Variants in FOXK2 observed in about 807,000 individuals in gnomAD.
FOXK2 encodes the protein forkhead box K2, also known as forkhead box protein K2.
Under a neutral mutation model 53.3 loss-of-function variants are expected in FOXK2, and 24 were observed. The ratio of observed to expected loss-of-function variants is 0.45; its 90% confidence interval spans 0.33 to 0.63. FOXK2 has a LOEUF of 0.63. Among genes scored for constraint, FOXK2 ranks in the 30% least tolerant of loss-of-function variants. The pLI is 0.03. For synonymous variants in FOXK2, 505 were observed against 407.1 expected, an observed-to-expected ratio of 1.24 and a Z score of -2.89; for missense variants, 952 against 910.5, an observed-to-expected ratio of 1.05 and a Z score of -0.59.
At chr17:82,537,347 T>C (rs2044530367) in intron 1 of FOXK2, among the ~76,000 whole-genome samples, 1 of 152,060 alleles carries the variant, frequency 6.6e-6, no homozygotes, top group Admixed American at 6.5e-5. Flanking sequence ...AAAGTGGATG[T>C]GAAAAATTAT....
intron 8 of FOXK2, among the ~76,000 whole-genome samples, chr17:82,587,955 C>G (rs374278470): frequency 6.6e-6 from 1 of 152,116 alleles, no homozygotes; most frequent in Non-Finnish European, 1.5e-5. Flanking sequence ...CAGGCAAATC[C>G]GAAGCTACCG....
intron 8 of FOXK2, among the ~76,000 whole-genome samples, chr17:82,596,343 T>C (rs1478054507): frequency 6.6e-6 from 1 of 152,230 alleles, no homozygotes; most frequent in East Asian, 1.9e-4. Flanking sequence ...GTTCCTGCTG[T>C]GTTTTCCATG....
At chr17:82,593,762 TGG>T (rs2045280636) in intron 8 of FOXK2, 1 of 152,242 alleles carries the variant, frequency 6.6e-6, no homozygotes, top group Non-Finnish European at 1.5e-5. Context: ...TTTGATGATG[TGG>T]GTATCCCTAG....
chr17:82,570,261 G>A (rs1417693713), intron 3 of FOXK2, among the ~76,000 whole-genome samples: 1 of 152,110 alleles, frequency 6.6e-6, no homozygotes, highest in Non-Finnish European at 1.5e-5. Flanking sequence ...GGGAGGCCAA[G>A]GTGGGCATAT....
intron 1 of FOXK2, among the ~76,000 whole-genome samples, chr17:82,536,492 C>T (rs1423545748): frequency 6.6e-6 from 1 of 152,198 alleles, no homozygotes; most frequent in Non-Finnish European, 1.5e-5. Context: ...TTATTGCAGA[C>T]TATCTTCCTT....
At chr17:82,570,028 C>T (rs1306604541) in intron 3 of FOXK2, among the ~76,000 whole-genome samples, 1 of 150,368 alleles carries the variant, frequency 6.7e-6, no homozygotes, top group East Asian at 2.0e-4. Flanking sequence ...CGAGACCATC[C>T]TGGCTAACAC....
chr17:82,554,958 A>C (rs1294181742), intron 1 of FOXK2, among the ~76,000 whole-genome samples: 1 of 151,996 alleles, frequency 6.6e-6, no homozygotes, highest in Non-Finnish European at 1.5e-5. Context: ...CATATTGGCC[A>C]GGCTGGGTTC....
At chr17:82,592,141 G>A (rs2045258769) in intron 8 of FOXK2, among the ~76,000 whole-genome samples, 1 of 152,208 alleles carries the variant, frequency 6.6e-6, no homozygotes, top group Non-Finnish European at 1.5e-5. Flanking sequence ...CTGGACTCTG[G>A]TGATCCTCTA....
chr17:82,561,086 G>A (rs2044788241), intron 1 of FOXK2, among the ~76,000 whole-genome samples: 1 of 152,324 alleles, frequency 6.6e-6, no homozygotes, highest in African/African-American at 2.4e-5. Context: ...AAGCAAAGAA[G>A]GTGGCTTACT....
chr17:82,536,967 T>G (rs1460474204), intron 1 of FOXK2, among the ~76,000 whole-genome samples: 1 of 152,212 alleles, frequency 6.6e-6, no homozygotes, highest in African/African-American at 2.4e-5. Flanking sequence ...CCAGACACAT[T>G]AGAACAGACA....
At position 82,587,248 on chromosome 17, in the gene FOXK2, G is replaced by A. The variant is rs2045194067; in HGVS notation, c.1762G>A (p.Ala588Thr). The A allele has an allele frequency of 1.9e-6, 3 of 1,612,924 alleles. No homozygotes were observed. The highest frequency in any genetic ancestry group is 2.7e-5 in the African/African-American group (2 of 75,048). Residue 588 changes from alanine to threonine, a missense_variant, in exon 8 of 9, where the codon GCG (alanine) becomes ACG (threonine). Transcript: ENST00000335255. ...NGTHVASVPT[A>T]VHGQVNNAAA... ...CACTCACGTGGCATCAGTCCCCACTGCGGTCCACGGCCAGGTGAACAATGG... is the reference window on the plus strand; with the variant it reads ...CACTCACGTGGCATCAGTCCCCACTACGGTCCACGGCCAGGTGAACAATGG...
chr17:82,580,934 C>T (rs1478018097), intron 4 of FOXK2, among the ~76,000 whole-genome samples: 3 of 151,998 alleles, frequency 2.0e-5, no homozygotes, highest in Non-Finnish European at 4.4e-5. Context: ...CTCTCCATGT[C>T]ACCCGTGAAG....
In FOXK2 at chr17:82,575,456, A is replaced by G. The variant is rs145595977; in HGVS notation, c.909+3586A>G. ...CACAGCACTAACACCTAAAAAGCACACGGCATATAGTACTTTGATCTTTAA... is the reference window on the plus strand; with the variant it reads ...CACAGCACTAACACCTAAAAAGCACGCGGCATATAGTACTTTGATCTTTAA... On this transcript the variant is annotated intron_variant, in intron 4 of 8. Coordinates refer to ENST00000335255, the MANE Select transcript of FOXK2 (RefSeq NM_004514.4). Among the ~76,000 whole-genome samples the G allele has an allele frequency of 1.4e-3, 209 of 152,324 alleles. 1 individual carries two copies. Among genetic ancestry groups the G allele is most frequent in the African/African-American group, 4.7e-3 (197 of 41,562 alleles).
chr17:82,530,812 G>C (rs759606183), intron 1 of FOXK2, among the ~76,000 whole-genome samples: 11 of 152,078 alleles, frequency 7.2e-5, no homozygotes, highest in Non-Finnish European at 1.3e-4. Context: ...CACTGTGCCC[G>C]GTCTACTGTT....
rs760468481 is a variant in FOXK2 at position 82,587,235 on chromosome 17, A to G, written c.1749A>G (p.Ala583=). The G allele has an allele frequency of 1.9e-6, 3 of 1,612,984 alleles. No individual in the cohort carries two copies. The African/African-American group carries it at 4.0e-5, about 22-fold the overall frequency. ...KTVTQNGTHV[A]SVPTAVHGQV... ...TAACACAAAACGGCACTCACGTGGC[A>G]TCAGTCCCCACTGCGGTCCACGGCC... Residue 583 remains alanine (A), a synonymous_variant, in exon 8 of 9, where the codon GCA becomes GCG. Coordinates refer to ENST00000335255, the MANE Select transcript of FOXK2 (RefSeq NM_004514.4).
chr17:82,589,407 T>A (rs1407753798), intron 8 of FOXK2, among the ~76,000 whole-genome samples: 1 of 152,238 alleles, frequency 6.6e-6, no homozygotes, highest in East Asian at 1.9e-4. Context: ...AATATAGATA[T>A]AAATATTAAA....
chr17:82,556,606 G>A (rs554032203), intron 1 of FOXK2, among the ~76,000 whole-genome samples: 1 of 152,268 alleles, frequency 6.6e-6, no homozygotes, highest in African/African-American at 2.4e-5. Flanking sequence ...TTGTTCTGTG[G>A]CAGCCAGGAT....
At chr17:82,548,167 G>A (rs2044644861) in intron 1 of FOXK2, among the ~76,000 whole-genome samples, 1 of 152,158 alleles carries the variant, frequency 6.6e-6, no homozygotes, top group Non-Finnish European at 1.5e-5. Context: ...GAGTGGTGGG[G>A]CCAGGTGGTC....
chr17:82,565,796 C>G (rs1044142950), intron 2 of FOXK2, among the ~76,000 whole-genome samples: 1 of 152,174 alleles, frequency 6.6e-6, no homozygotes, highest in Non-Finnish European at 1.5e-5. Flanking sequence ...TCCAGCAACC[C>G]CACTTCTGGA....
Sources: allele counts gnomAD v4.1 joint callset (sites outside exome capture counted in the v4.1 genomes callset), GRCh38; gene constraint gnomAD v4.1.1; transcripts MANE v1.5; gene names NCBI Gene and HGNC (gene_info 2026-07-23, HGNC 2026-07-21).